Variants in CELF4 observed in about 807,000 individuals in gnomAD.
CELF4 encodes the protein CUGBP Elav-like family member 4, also known as CUG-BP- and ETR-3-like factor 4.
Under a neutral mutation model 59.9 loss-of-function variants are expected in CELF4, and 18 were observed. The observed-to-expected ratio is 0.30, with a 90% CI of 0.21 to 0.45. CELF4 has a LOEUF of 0.45. Among genes scored for constraint, CELF4 ranks in the 20% least tolerant of loss-of-function variants. CELF4 has a pLI of 1.00. For missense variants in CELF4, 456 were observed against 689.0 expected, an observed-to-expected ratio of 0.66 and a Z score of 3.79; for synonymous variants, 261 against 267.1, an observed-to-expected ratio of 0.98 and a Z score of 0.22.
intron 1 of CELF4, among the ~76,000 whole-genome samples, chr18:37,490,280 G>C (rs1395386145): frequency 6.6e-6 from 1 of 152,118 alleles, no homozygotes; most frequent in Non-Finnish European, 1.5e-5. Context: ...GGGGTGGGGA[G>C]TAGGGGGGTA....
At chr18:37,250,819 C>T (rs566552538) in intron 12 of CELF4, among the ~76,000 whole-genome samples, 1 of 152,290 alleles carries the variant, frequency 6.6e-6, no homozygotes, top group African/African-American at 2.4e-5. Context: ...GCTGGGAAGC[C>T]TGACAGCACC....
chr18:37,381,593 C>T (rs926550345), intron 2 of CELF4, among the ~76,000 whole-genome samples: 1 of 152,158 alleles, frequency 6.6e-6, no homozygotes, highest in African/African-American at 2.4e-5. Context: ...AATGGGGTCT[C>T]TCTGATGGCA....
At chr18:37,475,106 G>T (rs1230425143) in intron 2 of CELF4, among the ~76,000 whole-genome samples, 1 of 152,172 alleles carries the variant, frequency 6.6e-6, no homozygotes, top group Admixed American at 6.5e-5. Flanking sequence ...AGTGGAAGCT[G>T]GTCTGCCTGA....
intron 1 of CELF4, among the ~76,000 whole-genome samples, chr18:37,501,727 A>T (rs1054092022): frequency 1.3e-5 from 2 of 152,216 alleles, no homozygotes; most frequent in African/African-American, 4.8e-5. Flanking sequence ...GGTAGGAAGA[A>T]GGAGGAGGGG....
At chr18:37,301,157 T>C (rs982365593) in intron 3 of CELF4, among the ~76,000 whole-genome samples, 3 of 152,130 alleles carry the variant, frequency 2.0e-5, no homozygotes, top group African/African-American at 7.2e-5. Context: ...AGAGTTCAGA[T>C]GAGCAAAACT....
At chr18:37,252,890 G>A (rs2154273114) in intron 12 of CELF4, among the ~76,000 whole-genome samples, 1 of 152,034 alleles carries the variant, frequency 6.6e-6, no homozygotes, top group South Asian at 2.1e-4. Context: ...GCAGCAGGGT[G>A]CTGAGCTGGA....
At chr18:37,285,605 C>T (rs1285152631) in intron 3 of CELF4, among the ~76,000 whole-genome samples, 1 of 152,210 alleles carries the variant, frequency 6.6e-6, no homozygotes, top group Non-Finnish European at 1.5e-5. Context: ...CCTAGGGACC[C>T]TGAATCAGGA....
chr18:37,493,931 T>TCACTGTGAC (rs1223985904), intron 1 of CELF4, among the ~76,000 whole-genome samples: 5 of 152,202 alleles, frequency 3.3e-5, no homozygotes, highest in African/African-American at 1.2e-4. Context: ...AATAAATGGC[T>TCACTGTGAC]CACTGTGACT....
intron 2 of CELF4, among the ~76,000 whole-genome samples, chr18:37,376,476 C>T (rs993376387): frequency 2.2e-4 from 33 of 152,342 alleles, no homozygotes; most frequent in African/African-American, 5.8e-4. Context: ...TGCAATTCTG[C>T]TCTCTCCTGG....
chr18:37,524,950 G>T (rs1194424549), intron 1 of CELF4, among the ~76,000 whole-genome samples: 1 of 152,216 alleles, frequency 6.6e-6, no homozygotes, highest in Non-Finnish European at 1.5e-5. Flanking sequence ...TTTGAGCCCC[G>T]CTTCCTCTCC....
At position 37,481,374 on chromosome 18, in the gene CELF4, A is replaced by C. The variant is rs185139032; in HGVS notation, c.369+4151T>G. ...TGGTGAGAAGCCCTTTCTGCTACCA[A>C]AGGAGCAAAAGTGCTGGCCACAGCT... On this transcript the variant is annotated intron_variant, in intron 2 of 12. Coordinates refer to ENST00000420428, the MANE Select transcript of CELF4 (RefSeq NM_020180.4). Among the ~76,000 whole-genome samples, 40 of 152,248 alleles carry C rather than the reference A, an allele frequency of 2.6e-4. 1 individual carries two copies. The highest frequency in any genetic ancestry group is 2.4e-3 in the Admixed American group (37 of 15,298).
intron 2 of CELF4, among the ~76,000 whole-genome samples, chr18:37,364,903 G>A (rs1048368421): frequency 1.1e-4 from 16 of 152,086 alleles, no homozygotes; most frequent in African/African-American, 3.6e-4. Flanking sequence ...AGCTCAAGAC[G>A]GGCAGACAAC....
At chr18:37,557,254 G>C (rs965891760) in intron 1 of CELF4, among the ~76,000 whole-genome samples, 9 of 152,126 alleles carry the variant, frequency 5.9e-5, no homozygotes, top group African/African-American at 2.2e-4. Context: ...CCCCCCTTTT[G>C]TGTTTCTATA....
At chr18:37,339,348 G>A (rs1385256447) in intron 2 of CELF4, among the ~76,000 whole-genome samples, 3 of 152,208 alleles carry the variant, frequency 2.0e-5, no homozygotes, top group Non-Finnish European at 4.4e-5. Context: ...GCTTGCGCCT[G>A]GAGGAAGGAG....
At chr18:37,306,745 T>G (rs976289233) in intron 3 of CELF4, among the ~76,000 whole-genome samples, 19 of 152,104 alleles carry the variant, frequency 1.2e-4, no homozygotes, top group African/African-American at 3.9e-4. Flanking sequence ...AATGTCCCAG[T>G]TGGAGGCCGA....
intron 1 of CELF4, among the ~76,000 whole-genome samples, chr18:37,545,979 C>A (rs1176055979): frequency 6.6e-6 from 1 of 152,198 alleles, no homozygotes; most frequent in Non-Finnish European, 1.5e-5. Context: ...AGGTTGCCCA[C>A]AACCACACGT....
chr18:37,250,645 C>T (rs1041561923), intron 12 of CELF4, among the ~76,000 whole-genome samples: 1 of 152,148 alleles, frequency 6.6e-6, no homozygotes, highest in Non-Finnish European at 1.5e-5. Context: ...TGATACCAGG[C>T]AGTATTTTAG....
At position 37,253,665 on chromosome 18, in the gene CELF4, A is replaced by G; in HGVS notation, c.*44+102T>C. ...AGGTTGAGCCGGGCGCAGCGGGTCC[A>G]AGGCACCAGTGAGGGTCCGGCCCAC... is the stretch of plus-strand genomic sequence containing the variant. On this transcript the variant is annotated intron_variant, in intron 12 of 12. Coordinates refer to ENST00000420428, the MANE Select transcript of CELF4 (RefSeq NM_020180.4). The surrounding 1 kb of genome is among the most constrained non-coding windows in gnomAD (Gnocchi z 4.5). 1.2e-6 allele frequency: 1 copy of G among 867,856 alleles called. No homozygotes were observed. Among genetic ancestry groups the G allele is most frequent in the East Asian group, 3.1e-5 (1 of 31,752 alleles). The allele number at this position is 867,856 out of a possible 1,614,324, so 53.8% of individuals were successfully genotyped here. A position where few individuals can be genotyped will look rare whatever the true frequency, so the allele number is the denominator to read the frequency against.
chr18:37,275,498 A>G (rs1429594619), intron 3 of CELF4: 3 of 499,906 alleles, frequency 6.0e-6, no homozygotes, highest in Non-Finnish European at 1.1e-5. Flanking sequence ...TGTGGCAGGC[A>G]GGAGCTGGAT....
Sources: allele counts gnomAD v4.1 joint callset (sites outside exome capture counted in the v4.1 genomes callset), GRCh38; gene constraint gnomAD v4.1.1; non-coding constraint Gnocchi (gnomAD v3.1); transcripts MANE v1.5; gene names NCBI Gene and HGNC (gene_info 2026-07-23, HGNC 2026-07-21).